The following IDH3A variants were observed in gnomAD, a reference collection of about 807,000 sequenced individuals.
IDH3A encodes the protein isocitrate dehydrogenase [NAD] subunit alpha, mitochondrial.
Under a neutral mutation model 43.3 loss-of-function variants are expected in IDH3A, and 23 were observed. The ratio of observed to expected loss-of-function variants is 0.53; its 90% CI spans 0.38 to 0.75. The LOEUF (loss-of-function observed/expected upper bound fraction) is 0.75, where lower values mean the gene tolerates loss of function less well. IDH3A is among the 30% of genes least tolerant of loss of function. The probability of loss-of-function intolerance (pLI) is 0.00; values close to 1 mark genes in which losing one functional copy is unlikely to be tolerated. For synonymous variants in IDH3A, 154 were observed against 163.5 expected (o/e 0.94, Z 0.44); for missense variants, 329 against 474.4 (o/e 0.69, Z 2.85).
Position 78,161,509 on chromosome 15 carries a change from A to T in IDH3A, c.290-72A>T. The T allele has an allele frequency of 8.4e-7, 1 of 1,195,790 alleles. No homozygotes were observed. Among genetic ancestry groups the T allele is most frequent in the African/African-American group, 1.5e-5 (1 of 66,672 alleles). The allele number at this position is 1,195,790 out of a possible 1,614,324, so 74.1% of individuals were successfully genotyped here. ...CAGAACACATTTCACAAGGTAGCCG[A>T]GGTGGGTTAGTAGGTCACACGTGAG... On this transcript the variant is annotated intron_variant, in intron 4 of 10. Coordinates refer to ENST00000299518, the MANE Select transcript of IDH3A (RefSeq NM_005530.3). This position sits in a 1 kb window ranked among gnomAD's most constrained non-coding sequence, Gnocchi z 4.8.
intron 1 of IDH3A, chr15:78,150,772 A>C (rs1026577522): frequency 2.6e-5 from 4 of 152,230 alleles, no homozygotes; most frequent in Non-Finnish European, 5.9e-5. Context: ...TTTCATGGGC[A>C]TCATTAACTG....
rs1386340241 is a variant in IDH3A, at chr15:78,160,271, A to G, written c.289+65A>G. The stretch of plus-strand genomic sequence containing the variant: ...GCTACAGGGGTTACTTAGTTTTGAA[A>G]ATTTATGCATTTAAACTGAATAAGG... On this transcript the variant is annotated intron_variant, in intron 4 of 10. Transcript: ENST00000299518. 6 of 928,206 alleles carry G rather than the reference A, an allele frequency of 6.5e-6. No individual in the cohort carries two copies. The East Asian group carries it at 1.5e-4, about 23-fold the overall frequency. 57.5% of individuals were successfully genotyped at this position (928,206 alleles called of 1,614,324 possible).
chr15:78,150,528 G>T (rs1052974954), intron 1 of IDH3A, among the ~76,000 whole-genome samples: 5 of 152,196 alleles, frequency 3.3e-5, no homozygotes, highest in Admixed American at 3.3e-4. Flanking sequence ...TGGAATTTAG[G>T]AGTCTCAGAT....
chr15:78,164,293 C>T (rs1211760412), intron 8 of IDH3A, among the ~76,000 whole-genome samples: 1 of 149,700 alleles, frequency 6.7e-6, no homozygotes, highest in Non-Finnish European at 1.5e-5. Flanking sequence ...GTGCTTCTCT[C>T]TCTCTCTCTC....
intron 2 of IDH3A, 162 bp downstream of exon 2, chr15:78,155,437 C>T (rs2074616009): frequency 1.9e-6 from 1 of 516,472 alleles, no homozygotes; most frequent in Non-Finnish European, 3.4e-6. Context: ...ATGCACAAAT[C>T]TGTTAGGTTA....
In IDH3A at chr15:78,170,948, G is replaced by A. The variant is rs969129745; in HGVS notation, c.*1943G>A. The A allele has an allele frequency of 5.9e-5, 9 of 153,036 alleles. No homozygotes were observed. Among genetic ancestry groups the A allele is most frequent in the African/African-American group, 1.9e-4 (8 of 41,476 alleles). The allele number at this position is 153,036 out of a possible 1,614,324, so 9.5% of individuals were successfully genotyped here. ...CATCAAGTCAGTTGGCATGTGGGTG[G>A]CGGAGTGCCTGGTAATGGAATAATA... is the stretch of plus-strand genomic sequence containing the variant. On this transcript the variant is annotated 3_prime_UTR_variant, in exon 11 of 11. Coordinates refer to ENST00000299518, the MANE Select transcript of IDH3A (RefSeq NM_005530.3).
chr15:78,166,511 C>A, intron 10 of IDH3A: 1 of 581,214 alleles, frequency 1.7e-6, no homozygotes, highest in Non-Finnish European at 3.1e-6. Flanking sequence ...ATATTTCATC[C>A]AAAAAAAGTT....
At chr15:78,156,972 A>G in intron 2 of IDH3A, 1 of 1,347,838 alleles carries the variant, frequency 7.4e-7, no homozygotes, top group Non-Finnish European at 9.8e-7. Context: ...TAGAGGAACT[A>G]AGAAAAAAAT....
At chr15:78,151,523 A>T (rs1437096023) in intron 1 of IDH3A, 1 of 151,628 alleles carries the variant, frequency 6.6e-6, no homozygotes, top group East Asian at 1.9e-4. Flanking sequence ...CTGCGGTGAG[A>T]GGAGATCATG....
intron 5 of IDH3A, 61 bp from the exon 6 acceptor site, chr15:78,162,173 C>G: frequency 6.3e-7 from 1 of 1,596,134 alleles, no homozygotes; most frequent in Non-Finnish European, 8.6e-7. Context: ...TCCCCACCCT[C>G]TGTCTCCCAC....
chr15:78,163,484 AG>A, intron 6 of IDH3A, 22 bp from the exon 7 acceptor site: 1 of 1,498,474 alleles, frequency 6.7e-7, no homozygotes, highest in Non-Finnish European at 9.2e-7. Flanking sequence ...TTTTTTCAGC[AG>A]TTTTTATTTG....
chr15:78,149,907 A>T (rs973940137), intron 1 of IDH3A, among the ~76,000 whole-genome samples: 1 of 152,268 alleles, frequency 6.6e-6, no homozygotes, highest in Non-Finnish European at 1.5e-5. Flanking sequence ...CGCAGGTGCC[A>T]CGGGCACTGG....
At chr15:78,153,101 ATTCT>A (rs2074592855) in intron 1 of IDH3A, among the ~76,000 whole-genome samples, 2 of 151,610 alleles carry the variant, frequency 1.3e-5, no homozygotes, top group Admixed American at 1.3e-4. Context: ...GGTCTTTTTC[ATTCT>A]TTCTTTCTTT....
In IDH3A at chr15:78,160,598, C is replaced by T. The variant is rs578238672; in HGVS notation, c.289+392C>T. Among the ~76,000 whole-genome samples the T allele has an allele frequency of 1.1e-4, 17 of 149,820 alleles. No individual in the cohort carries two copies. In the East Asian group the frequency reaches 2.5e-3, roughly 22 times the overall value. On this transcript the variant is annotated intron_variant, in intron 4 of 10. Transcript: ENST00000299518. Reference sequence around the variant, plus strand: ...CCTTGACCTCCTGAGCTCAAGCAGTCCTCCCACCTCAGCCGCCCGAGTGGC... The same window carrying T: ...CCTTGACCTCCTGAGCTCAAGCAGTTCTCCCACCTCAGCCGCCCGAGTGGC...
chr15:78,159,289 TC>T (rs1436246099), intron 3 of IDH3A, among the ~76,000 whole-genome samples: 1 of 151,824 alleles, frequency 6.6e-6, no homozygotes, highest in East Asian at 1.9e-4. Context: ...TCTCTCTCCC[TC>T]CCTACCCCCT....
rs768794434 is a variant in IDH3A at position 78,160,225 on chromosome 15, C to CGG, written c.289+23_289+24dup. The CGG allele has an allele frequency of 2.1e-6, 3 of 1,432,868 alleles. No homozygotes were observed. In the African/African-American group the frequency reaches 4.2e-5, roughly 20 times the overall value. The allele number at this position is 1,432,868 out of a possible 1,614,324, so 88.8% of individuals were successfully genotyped here. ...TTGAAAGGTAGCACTGAAGTAGAGA[C>CGG]GGGGGTTTTTACAGATTTCCGCTAC... On this transcript the variant is annotated intron_variant, in intron 4 of 10. Coordinates refer to ENST00000299518, the MANE Select transcript of IDH3A (RefSeq NM_005530.3).
chr15:78,168,905 CT>C lies in IDH3A; in HGVS notation c.1018-12del. The C allele has an allele frequency of 1.3e-6, 2 of 1,555,144 alleles. No homozygotes were observed. The highest frequency in any genetic ancestry group is 1.7e-4 in the Middle Eastern group (1 of 5,916). ...TTTGCGGATACATCTTTTATTTTTG[CT>C]TTTTCCTTTTCTCAGAGCTTGACAA... On this transcript the variant is annotated splice_polypyrimidine_tract_variant and intron_variant, in intron 10 of 10. Transcript: ENST00000299518.
Position 78,161,823 on chromosome 15 carries a change from T to C in IDH3A, c.477+55T>C. The C allele has an allele frequency of 2.7e-6, 4 of 1,470,126 alleles. No individual in the cohort carries two copies. Among genetic ancestry groups the C allele is most frequent in the Non-Finnish European group, 2.8e-6 (3 of 1,054,678 alleles). The allele number at this position is 1,470,126 out of a possible 1,614,324, so 91.1% of individuals were successfully genotyped here. ...CTGCTTGGACTGCTTTCTGTGCATC[T>C]GGGACCCCAGAGACAGATCTGCTTT... On this transcript the variant is annotated intron_variant, in intron 5 of 10. Transcript: ENST00000299518. The surrounding 1 kb of genome is among the most constrained non-coding windows in gnomAD (Gnocchi z 4.8).
chr15:78,166,464 T>C (rs1010156453), intron 10 of IDH3A, 162 bp downstream of exon 10: 1 of 690,952 alleles, frequency 1.4e-6, no homozygotes, highest in Non-Finnish European at 2.5e-6. Context: ...ACAGGGTATG[T>C]GTGCACATGT....
Sources: gnomAD v4.1 joint callset for allele counts (sites outside exome capture counted in the v4.1 genomes callset) on GRCh38, gnomAD v4.1.1 for gene constraint, Gnocchi (gnomAD v3.1) non-coding constraint, MANE v1.5 for transcripts, NCBI Gene and HGNC (gene_info 2026-07-23, HGNC 2026-07-21) for gene names.